CDH7: variants seen among roughly 807,000 people sequenced by gnomAD.
The protein encoded by CDH7 is cadherin-7.
A neutral mutation model predicts 71.8 loss-of-function variants in CDH7; 25 were observed. The observed-to-expected ratio is 0.35, with a 90% CI of 0.25 to 0.49. CDH7 has a LOEUF of 0.49. Ranked by LOEUF, CDH7 falls within the 20% of genes least tolerant of loss-of-function variation. CDH7 has a pLI of 0.99. For missense variants in CDH7, 862 were observed against 974.6 expected (o/e 0.88, Z 1.54); for synonymous variants, 381 against 363.8 (o/e 1.05, Z -0.54).
chr18:65,767,092 TC>T (rs67819406), intron 2 of CDH7, among the ~76,000 whole-genome samples: 2,381 of 147,304 alleles, frequency 0.016, 56 homozygotes, highest in Non-Finnish European at 0.023. Context: ...ACTCTTTCTT[TC>T]TTTTTTTTTT....
At chr18:65,877,850 T>A (rs1230652400) in intron 11 of CDH7, among the ~76,000 whole-genome samples, 1 of 152,236 alleles carries the variant, frequency 6.6e-6, no homozygotes, top group Non-Finnish European at 1.5e-5. Context: ...TTCATCCATG[T>A]ATTTTAAAAA....
At chr18:65,769,286 T>C (rs1056862092) in intron 2 of CDH7, among the ~76,000 whole-genome samples, 2 of 152,152 alleles carry the variant, frequency 1.3e-5, no homozygotes, top group Non-Finnish European at 2.9e-5. Flanking sequence ...GAGAGAAGCT[T>C]TATATAGTAG....
At chr18:65,757,851 C>A (rs1024096983) in intron 1 of CDH7, among the ~76,000 whole-genome samples, 11 of 151,856 alleles carry the variant, frequency 7.2e-5, no homozygotes, top group Non-Finnish European at 1.6e-4. Flanking sequence ...CTCTCCAAAC[C>A]ACATGCATGG....
At chr18:65,814,417 T>G in intron 3 of CDH7, 68 bp from the exon 4 acceptor site, 1 of 1,552,240 alleles carries the variant, frequency 6.4e-7, no homozygotes, top group Non-Finnish European at 8.9e-7. Flanking sequence ...ATCAGTAACA[T>G]TTTGTACGTT....
intron 1 of CDH7, among the ~76,000 whole-genome samples, chr18:65,752,991 A>G (rs983545820): frequency 2.0e-5 from 3 of 152,188 alleles, no homozygotes; most frequent in Non-Finnish European, 2.9e-5. Context: ...ATTTAATAGC[A>G]CAGAGCTTTT....
chr18:65,859,754 G>C lies in CDH7; in HGVS notation c.1541G>C (p.Gly514Ala), dbSNP rs2144032176. The C allele has an allele frequency of 6.2e-7, 1 of 1,612,272 alleles. No individual in the cohort carries two copies. The highest frequency in any genetic ancestry group is 2.2e-5 in the East Asian group (1 of 44,802). ...GTGGATAAAGATGAGCCATCCAATG[G>C]ACACCAGTTTTACTTCAGCTTAACA... is the stretch of plus-strand genomic sequence containing the variant. ...SAVDKDEPSN[G>A]HQFYFSLTTD... Residue 514 changes from glycine (G) to alanine (A), a missense_variant, in exon 10 of 12, where the codon GGA (glycine) becomes GCA (alanine). Transcript: ENST00000397968.
At chr18:65,752,573 A>AAT in intron 1 of CDH7, among the ~76,000 whole-genome samples, 1 of 152,196 alleles carries the variant, frequency 6.6e-6, no homozygotes, top group Admixed American at 6.5e-5. Context: ...GTCAAGGGGA[A>AAT]ATGCATGAAG....
At chr18:65,879,848 A>G (rs1914168589) in intron 11 of CDH7, among the ~76,000 whole-genome samples, 1 of 152,180 alleles carries the variant, frequency 6.6e-6, no homozygotes, top group South Asian at 2.1e-4. Context: ...GTGGGACTCA[A>G]TTTATTATAG....
Position 65,844,187 on chromosome 18 carries a change from A to ATATATATATG in CDH7, c.1235+123_1235+124insATATATATGT, listed in dbSNP as rs1568215870. 1.6e-5 allele frequency: 4 copies of ATATATATATG among 256,988 alleles called. No homozygotes were observed. In the East Asian group the frequency reaches 2.5e-4, roughly 16 times the overall value. The allele number at this position is 256,988 out of a possible 1,614,324, so 15.9% of individuals were successfully genotyped here. ...AAATAAAAACCAGATATATATATAT[A>ATATATATATG]TCGAGTTATAACAGCAGAGGTAAAA... On this transcript the variant is annotated intron_variant, in intron 7 of 11. Coordinates refer to ENST00000397968, the MANE Select transcript of CDH7 (RefSeq NM_004361.5).
intron 11 of CDH7, among the ~76,000 whole-genome samples, chr18:65,874,428 A>G (rs1366625257): frequency 6.6e-6 from 1 of 151,542 alleles, no homozygotes; most frequent in Non-Finnish European, 1.5e-5. Flanking sequence ...TAGAAAGCCA[A>G]ATACCTCATG....
In CDH7 at chr18:65,781,856, TTC is replaced by T. The variant is rs1164468414; in HGVS notation, c.210+18806_210+18807del. On this transcript the variant is annotated intron_variant, in intron 2 of 11. Coordinates refer to ENST00000397968, the MANE Select transcript of CDH7 (RefSeq NM_004361.5). ...TTTCTTTCTTTCTTTCTTTCTTTCTTTCTTTCTTTCTCTCTCTCTCTCTGTCT... is the reference window on the plus strand; with the variant it reads ...TTTCTTTCTTTCTTTCTTTCTTTCTTTTTCTTTCTCTCTCTCTCTCTGTCT... Among the ~76,000 whole-genome samples, 2 of 79,204 alleles carry T rather than the reference TTC, an allele frequency of 2.5e-5. 1 individual carries two copies. The highest frequency in any genetic ancestry group is 2.0e-4 in the African/African-American group (2 of 10,070). The allele number at this position is 79,204 out of a possible 152,430, so 52.0% of individuals were successfully genotyped here. A position where few individuals can be genotyped will look rare whatever the true frequency, so the allele number is the denominator to read the frequency against.
intron 2 of CDH7, among the ~76,000 whole-genome samples, chr18:65,793,430 AAAAG>A (rs1477754527): frequency 2.0e-5 from 3 of 152,058 alleles, no homozygotes; most frequent in Non-Finnish European, 4.4e-5. Flanking sequence ...AAAAAAAAAA[AAAAG>A]AGAGGGAGAG....
intron 7 of CDH7, among the ~76,000 whole-genome samples, chr18:65,857,322 TAATA>T (rs1913397264): frequency 9.1e-5 from 2 of 22,086 alleles, no homozygotes; most frequent in Admixed American, 4.5e-4. Flanking sequence ...GCATCTATAA[TAATA>T]ATAATAATAA....
chr18:65,750,331 C>G (rs572579506), upstream of CDH7: 1 of 151,964 alleles, frequency 6.6e-6, no homozygotes, highest in Non-Finnish European at 1.5e-5. Context: ...TATGACTTTG[C>G]CTTCATGCCT....
intron 2 of CDH7, among the ~76,000 whole-genome samples, chr18:65,804,930 T>C (rs747216523): frequency 2.0e-5 from 3 of 152,160 alleles, no homozygotes; most frequent in East Asian, 3.9e-4. Flanking sequence ...CAGAGGATTA[T>C]GGAGAACAAA....
At chr18:65,879,329 T>A (rs1914153961) in intron 11 of CDH7, among the ~76,000 whole-genome samples, 1 of 152,146 alleles carries the variant, frequency 6.6e-6, no homozygotes, top group African/African-American at 2.4e-5. Context: ...TAAACGATAA[T>A]CCATATAATG....
At position 65,880,978 on chromosome 18, in the gene CDH7, CATACAGA is replaced by C; in HGVS notation, c.*86_*92del. ...AATGAAATAAAATAATAAACCACTA[CATACAGA>C]AAACAAGAACTCCCCTTGCTGGAGA... On this transcript the variant is annotated 3_prime_UTR_variant, in exon 12 of 12. Transcript: ENST00000397968. 2 of 1,334,638 alleles carry C rather than the reference CATACAGA, an allele frequency of 1.5e-6. No homozygotes were observed. Among genetic ancestry groups the C allele is most frequent in the South Asian group, 3.1e-5 (2 of 64,986 alleles). 82.7% of individuals were successfully genotyped at this position (1,334,638 alleles called of 1,614,324 possible).
At chr18:65,804,699 C>CATGTGTGTGTGT (rs141411077) in intron 2 of CDH7, among the ~76,000 whole-genome samples, 1 of 148,708 alleles carries the variant, frequency 6.7e-6, no homozygotes, top group Non-Finnish European at 1.5e-5. Flanking sequence ...CCTTAACACA[C>CATGTGTGTGTGT]GTGTGTGTGT....
At chr18:65,828,765 C>A (rs1297532305) in intron 6 of CDH7, among the ~76,000 whole-genome samples, 1 of 152,040 alleles carries the variant, frequency 6.6e-6, no homozygotes, top group Non-Finnish European at 1.5e-5. Flanking sequence ...TTCTTATTCT[C>A]AGCAATTATT....
Sources: gnomAD v4.1 joint callset for allele counts (sites outside exome capture counted in the v4.1 genomes callset) on GRCh38, gnomAD v4.1.1 for gene constraint, MANE v1.5 for transcripts, NCBI Gene and HGNC (gene_info 2026-07-23, HGNC 2026-07-21) for gene names.